RGPD5: variants seen among roughly 807,000 people sequenced by gnomAD.
RGPD5 encodes RANBP2 like and GRIP domain containing 5.
At chr2:109,767,106 A>G in the RGPD5 span, among the ~76,000 whole-genome samples, 4 of 143,710 alleles carry the variant, frequency 2.8e-5, no homozygotes, top group Non-Finnish European at 6.0e-5. Flanking sequence ...CCTACCTCAT[A>G]AGGTTGTGAC....
At chr2:109,763,146 T>G in the RGPD5 span, among the ~76,000 whole-genome samples, 1 of 149,946 alleles carries the variant, frequency 6.7e-6, no homozygotes, top group South Asian at 2.2e-4. Flanking sequence ...ATTTTATAGA[T>G]GAGGAAATAG....
chr2:109,761,851 T>C, the RGPD5 span, among the ~76,000 whole-genome samples: 1 of 151,210 alleles, frequency 6.6e-6, no homozygotes, highest in African/African-American at 2.4e-5. Context: ...TTTTTTCCTT[T>C]TGCTTTAATT....
At chr2:109,774,505 T>TATATATATATAAA in the RGPD5 span, among the ~76,000 whole-genome samples, 12 of 32,048 alleles carry the variant, frequency 3.7e-4, 1 homozygote, top group East Asian at 1.1e-3. Flanking sequence ...CAAACATATA[T>TATATATATATAAA]ATATATATAA....
chr2:109,764,670 T>C, the RGPD5 span, among the ~76,000 whole-genome samples: 459 of 147,198 alleles, frequency 3.1e-3, 25 homozygotes, highest in Middle Eastern at 6.9e-3. Context: ...AAAAATTGAA[T>C]TAAAAAACAA....
At chr2:109,799,168 C>T (rs1489603224) in intron 1 of RGPD5, among the ~76,000 whole-genome samples, 4 of 67,492 alleles carry the variant, frequency 5.9e-5, no homozygotes, top group African/African-American at 2.5e-4. Context: ...GTACCCGGGA[C>T]GCAGAGGTTG....
the RGPD5 span, among the ~76,000 whole-genome samples, chr2:109,761,654 A>C: frequency 3.7e-4 from 50 of 133,368 alleles, no homozygotes; most frequent in Non-Finnish European, 4.9e-4. Flanking sequence ...GCTCCCCCCA[A>C]CCCGCCACTA....
At chr2:109,779,485 T>TA in the RGPD5 span, among the ~76,000 whole-genome samples, 1 of 113,312 alleles carries the variant, frequency 8.8e-6, no homozygotes, top group African/African-American at 3.3e-5. Flanking sequence ...CTTAGACTGT[T>TA]AGATCTGTCT....
the RGPD5 span, among the ~76,000 whole-genome samples, chr2:109,761,627 T>C: frequency 1.8e-4 from 27 of 148,168 alleles, no homozygotes; most frequent in East Asian, 5.8e-3. Flanking sequence ...ATCTGTCTTA[T>C]TCCCCCTTCT....
At chr2:109,799,217 G>A (rs1343646051) in intron 1 of RGPD5, among the ~76,000 whole-genome samples, 2 of 110,752 alleles carry the variant, frequency 1.8e-5, no homozygotes, top group Admixed American at 9.4e-5. Flanking sequence ...CCAGCCTGGC[G>A]ACAGAGCAAG....
the RGPD5 span, among the ~76,000 whole-genome samples, chr2:109,761,336 G>T: frequency 6.6e-6 from 1 of 151,102 alleles, no homozygotes; most frequent in Non-Finnish European, 1.5e-5. Flanking sequence ...TCTCCGTGCC[G>T]GTATTCCAGA....
the RGPD5 span, among the ~76,000 whole-genome samples, chr2:109,772,998 T>C: frequency 2.0e-5 from 3 of 151,934 alleles, no homozygotes; most frequent in South Asian, 2.1e-4. Context: ...AGGAACCCTT[T>C]GGATTTAAAT....
chr2:109,766,997 A>G, the RGPD5 span, among the ~76,000 whole-genome samples: 2 of 141,048 alleles, frequency 1.4e-5, no homozygotes, highest in Non-Finnish European at 3.0e-5. Context: ...GCTGGCCCCA[A>G]CCTTGCTTTC....
the RGPD5 span, among the ~76,000 whole-genome samples, chr2:109,765,024 C>T: frequency 8.5e-6 from 1 of 118,146 alleles, no homozygotes; most frequent in Non-Finnish European, 1.7e-5. Flanking sequence ...CCCTACCACT[C>T]ACCCCATTCC....
At chr2:109,778,512 G>A in the RGPD5 span, among the ~76,000 whole-genome samples, 3 of 150,010 alleles carry the variant, frequency 2.0e-5, no homozygotes, top group Admixed American at 1.3e-4. Context: ...CAGAAGACCA[G>A]CTAGAAACAT....
chr2:109,766,633 C>A, the RGPD5 span, among the ~76,000 whole-genome samples: 3 of 149,796 alleles, frequency 2.0e-5, no homozygotes, highest in African/African-American at 7.4e-5. Flanking sequence ...TCCTTGTTAA[C>A]CACAATGGGT....
intron 1 of RGPD5, 77 bp downstream of exon 1, chr2:109,794,614 G>GCGGCGGCGGCGGCGGCGGCCGGGGGGT (rs1553471502): frequency 6.9e-5 from 5 of 72,254 alleles, no homozygotes; most frequent in African/African-American, 5.7e-4. Context: ...GCGGCGGGGG[G>GCGGCGGCGGCGGCGGCGGCCGGGGGGT]GGCGGCGGCG....
chr2:109,799,334 CTT>C (rs1230594351), intron 1 of RGPD5, among the ~76,000 whole-genome samples: 3 of 29,102 alleles, frequency 1.0e-4, no homozygotes, highest in African/African-American at 2.2e-4. Context: ...TGCTATAGTT[CTT>C]TTTTTTTTTT....
At chr2:109,799,230 T>G (rs1363805854) in intron 1 of RGPD5, among the ~76,000 whole-genome samples, 2 of 113,244 alleles carry the variant, frequency 1.8e-5, no homozygotes, top group African/African-American at 7.5e-5. Flanking sequence ...AGAGCAAGAC[T>G]CCATCTCAAA....
chr2:109,774,528 A>AT, the RGPD5 span, among the ~76,000 whole-genome samples: 1 of 92,824 alleles, frequency 1.1e-5, no homozygotes, highest in Non-Finnish European at 1.9e-5. Flanking sequence ...TATATTATAT[A>AT]TATTATATAT....
Sources: allele counts gnomAD v4.1 joint callset (sites outside exome capture counted in the v4.1 genomes callset), GRCh38; gene constraint gnomAD v4.1.1; transcripts MANE v1.5; gene names NCBI Gene and HGNC (gene_info 2026-07-23, HGNC 2026-07-21).